The following ZCWPW1 variants were observed in gnomAD, a reference collection of about 807,000 sequenced individuals.
The protein encoded by ZCWPW1 is zinc finger CW-type and PWWP domain containing 1, also known as zinc finger CW-type PWWP domain protein 1.
In ZCWPW1, 56 loss-of-function variants were observed where a neutral mutation model predicts 81.3. The observed-to-expected ratio is 0.69, with a 90% CI of 0.56 to 0.86. ZCWPW1 has a LOEUF of 0.86. Among genes scored for constraint, ZCWPW1 ranks in the 40% least tolerant of loss-of-function variants. The pLI, the probability that ZCWPW1 is intolerant of heterozygous loss-of-function variation, is 0.00. For missense variants in ZCWPW1, 650 were observed against 769.8 expected (o/e 0.84, Z 1.84); for synonymous variants, 250 against 273.7 (o/e 0.91, Z 0.86).
At chr7:100,411,986 A>G (rs1284769446) in intron 8 of ZCWPW1, among the ~76,000 whole-genome samples, 2 of 152,158 alleles carry the variant, frequency 1.3e-5, no homozygotes, top group Non-Finnish European at 2.9e-5. Context: ...AGAGGATTTC[A>G]CTTGACCACT....
At chr7:100,407,191 G>A in intron 11 of ZCWPW1, 37 bp downstream of exon 11, 1 of 1,591,612 alleles carries the variant, frequency 6.3e-7, no homozygotes, top group Non-Finnish European at 8.6e-7. Flanking sequence ...CATTACTTTG[G>A]CCTGAGCTCC....
rs1334880059 is a variant in ZCWPW1 at position 100,416,026 on chromosome 7, G to C, written c.703C>G (p.Gln235Glu). The C allele has an allele frequency of 1.2e-6, 2 of 1,614,120 alleles. No homozygotes were observed. Among genetic ancestry groups the C allele is most frequent in the Admixed American group, 1.7e-5 (1 of 60,016 alleles). The stretch of plus-strand genomic sequence containing the variant: ...TGGTCCCTGATCTGAGAATGATCCT[G>C]AACTGTTTTCTTTAGTCGGTCTTCC... ...RQEDRLKKTVQDHSQIRDQQK... is the reference protein window; with the variant it reads ...RQEDRLKKTVEDHSQIRDQQK... The change falls in exon 8 of 18, where the codon CAG becomes GAG. Residue 235 changes from glutamine to glutamate, a missense_variant. Coordinates refer to ENST00000684423, the MANE Select transcript of ZCWPW1 (RefSeq NM_001386010.1).
rs1411967302 is a variant in ZCWPW1, at chr7:100,420,615, G to C, written c.28+7C>G. 10 of 1,614,064 alleles carry C rather than the reference G, an allele frequency of 6.2e-6. No homozygotes were observed. In the East Asian group the frequency reaches 2.2e-4, roughly 36 times the overall value. ...TATGAAGCGAACCTCCCTCACTCTT[G>C]ACTCACCTTCTTTATTCTGCAACGT... On this transcript the variant is annotated splice_region_variant and intron_variant, in intron 3 of 17. Transcript: ENST00000684423.
Position 100,406,798 on chromosome 7 carries a change from A to G in ZCWPW1, c.1069T>C (p.Ser357Pro), listed in dbSNP as rs1329065092. 1.2e-6 allele frequency: 2 copies of G among 1,613,652 alleles called. No individual in the cohort carries two copies. Among genetic ancestry groups the G allele is most frequent in the Non-Finnish European group, 1.7e-6 (2 of 1,179,774 alleles). Residue 357 changes from serine (S) to proline (P), a missense_variant and splice_region_variant, in exon 12 of 18, where the codon TCT (serine) becomes CCT (proline). Transcript: ENST00000684423. ...LFTSHLDSLPSKYHVTFFGET... is the reference protein window; with the variant it reads ...LFTSHLDSLPPKYHVTFFGET... The stretch of plus-strand genomic sequence containing the variant: ...CCAAAAAACGTCACATGGTACTTAG[A>G]CTGAAATAAAAGATGATCCTGTTAC...
intron 8 of ZCWPW1, among the ~76,000 whole-genome samples, chr7:100,410,801 T>C (rs1336377863): frequency 5.9e-5 from 9 of 152,226 alleles, no homozygotes; most frequent in Non-Finnish European, 1.2e-4. Context: ...CTATAGCAAC[T>C]TTCATTTTAT....
intron 12 of ZCWPW1, 151 bp downstream of exon 12, chr7:100,406,543 G>A (rs1280972080): frequency 1.4e-6 from 1 of 698,764 alleles, no homozygotes; most frequent in African/African-American, 1.8e-5. Context: ...CTGGGAGCAA[G>A]AAGAGTCCTT....
Position 100,411,733 on chromosome 7 carries a change from A to G in ZCWPW1, c.755-2189T>C, listed in dbSNP as rs1563137255. Among the ~76,000 whole-genome samples, 4 of 152,336 alleles carry G rather than the reference A, an allele frequency of 2.6e-5. 1 individual carries two copies. The highest frequency in any genetic ancestry group is 2.6e-4 in the Admixed American group (4 of 15,294). On this transcript the variant is annotated intron_variant, in intron 8 of 17. Transcript: ENST00000684423. Reference sequence around the variant, plus strand: ...GAGTCATATATATTAATACAGATCAATAATAATACAAATTGTTAGCTGTGA... The same window carrying G: ...GAGTCATATATATTAATACAGATCAGTAATAATACAAATTGTTAGCTGTGA...
At chr7:100,408,969 G>A (rs1793627341) in intron 9 of ZCWPW1, among the ~76,000 whole-genome samples, 1 of 151,966 alleles carries the variant, frequency 6.6e-6, no homozygotes, top group Non-Finnish European at 1.5e-5. Flanking sequence ...CCTGTCTATG[G>A]AGCACCATAA....
At chr7:100,418,619 T>C (rs962510086) in intron 5 of ZCWPW1, 1 of 152,408 alleles carries the variant, frequency 6.6e-6, no homozygotes, top group Non-Finnish European at 1.5e-5. Context: ...GGTGAAACCT[T>C]GCCTCTACTA....
At chr7:100,420,592 T>A in intron 3 of ZCWPW1, 30 bp downstream of exon 3, 1 of 1,613,962 alleles carries the variant, frequency 6.2e-7, no homozygotes, top group Admixed American at 1.7e-5. Flanking sequence ...GAGAAATGTA[T>A]GAAGCGAACC....
chr7:100,419,554 ACT>A (rs1795974391), intron 4 of ZCWPW1, 74 bp downstream of exon 4: 12 of 1,520,554 alleles, frequency 7.9e-6, no homozygotes, highest in Non-Finnish European at 1.1e-5. Flanking sequence ...GTGTGAAAAG[ACT>A]CTGTTTGTCT....
chr7:100,408,179 G>A (rs1427254807), intron 10 of ZCWPW1, among the ~76,000 whole-genome samples: 1 of 152,064 alleles, frequency 6.6e-6, no homozygotes, highest in Admixed American at 6.5e-5. Flanking sequence ...TCAAACTTGT[G>A]GTCTCAGGTG....
chr7:100,415,837 G>A (rs1375195763), intron 8 of ZCWPW1, 138 bp downstream of exon 8: 11 of 1,169,620 alleles, frequency 9.4e-6, no homozygotes, highest in East Asian at 7.1e-5. Context: ...TTATTCTTTC[G>A]GCAGCATATT....
At chr7:100,418,675 C>T (rs932530258) in intron 5 of ZCWPW1, 2 of 152,170 alleles carry the variant, frequency 1.3e-5, no homozygotes, top group African/African-American at 4.8e-5. Context: ...CCTGTAATCC[C>T]AGCTACTCAG....
intron 8 of ZCWPW1, among the ~76,000 whole-genome samples, chr7:100,411,269 CTTTT>C (rs772677389): frequency 6.9e-6 from 1 of 144,574 alleles, no homozygotes; most frequent in Non-Finnish European, 1.5e-5. Context: ...TTCGCAATTA[CTTTT>C]TTTTTTTTTT....
intron 4 of ZCWPW1, among the ~76,000 whole-genome samples, 187 bp downstream of exon 4, chr7:100,419,443 G>C (rs1335711869): frequency 6.6e-6 from 1 of 151,686 alleles, no homozygotes; most frequent in African/African-American, 2.4e-5. Context: ...ATTATTTCCT[G>C]CTCAATTCTT....
At chr7:100,409,566 A>G in intron 8 of ZCWPW1, 22 bp from the exon 9 acceptor site, 1 of 1,548,082 alleles carries the variant, frequency 6.5e-7, no homozygotes, top group Non-Finnish European at 8.9e-7. Flanking sequence ...AAAAAATGAA[A>G]TAAGAGACTT....
chr7:100,402,444 C>A, intron 16 of ZCWPW1, 72 bp downstream of exon 16: 4 of 1,530,474 alleles, frequency 2.6e-6, no homozygotes, highest in Non-Finnish European at 1.8e-6. Flanking sequence ...GTCCAGCTAC[C>A]TGCAGACTCC....
intron 1 of ZCWPW1, among the ~76,000 whole-genome samples, chr7:100,427,408 C>CA (rs1797827885): frequency 6.6e-6 from 1 of 151,344 alleles, no homozygotes; most frequent in African/African-American, 2.4e-5. Context: ...ACTAAAAATA[C>CA]AAAAAAATCA....
Sources: allele counts gnomAD v4.1 joint callset (sites outside exome capture counted in the v4.1 genomes callset), GRCh38; gene constraint gnomAD v4.1.1; transcripts MANE v1.5; gene names NCBI Gene and HGNC (gene_info 2026-07-23, HGNC 2026-07-21).